The following TMOD1 variants were observed in gnomAD, a reference collection of about 807,000 sequenced individuals.
TMOD1 encodes tropomodulin 1.
In TMOD1, 17 loss-of-function variants were observed where a neutral mutation model predicts 40.6. The ratio of observed to expected loss-of-function variants is 0.42; its 90% CI spans 0.29 to 0.63. The LOEUF (loss-of-function observed/expected upper bound fraction) is 0.63. TMOD1 is among the 20% of genes least tolerant of loss of function. TMOD1 has a pLI of 0.22. For missense variants in TMOD1, 391 were observed against 447.6 expected (o/e 0.87, Z 1.14); for synonymous variants, 181 against 175.0 (o/e 1.03, Z -0.27).
chr9:97,509,511 T>G (rs1339032893), intron 1 of TMOD1, among the ~76,000 whole-genome samples: 2 of 120,882 alleles, frequency 1.7e-5, no homozygotes, highest in South Asian at 2.6e-4. Context: ...TTTTTTTTTT[T>G]GTTTTTTGTT....
intron 3 of TMOD1, among the ~76,000 whole-genome samples, chr9:97,548,430 G>A (rs1563987195): frequency 6.6e-6 from 1 of 152,132 alleles, no homozygotes; most frequent in South Asian, 2.1e-4. Flanking sequence ...TGAAAGGATC[G>A]CGTGGTCAGA....
chr9:97,526,372 T>C (rs933672808), intron 2 of TMOD1, among the ~76,000 whole-genome samples: 1 of 152,192 alleles, frequency 6.6e-6, no homozygotes, highest in African/African-American at 2.4e-5. Context: ...GTGTATGTGG[T>C]TTAGCAAGTC....
At chr9:97,596,515 T>C (rs1826115327) in intron 9 of TMOD1, among the ~76,000 whole-genome samples, 1 of 152,196 alleles carries the variant, frequency 6.6e-6, no homozygotes, top group Non-Finnish European at 1.5e-5. Context: ...GCTATTGTTA[T>C]CCACACTTTA....
In TMOD1 at chr9:97,543,422, G is replaced by A. The variant is rs756907636; in HGVS notation, c.121-2763G>A. On this transcript the variant is annotated intron_variant, in intron 2 of 9. Coordinates refer to ENST00000259365, the MANE Select transcript of TMOD1 (RefSeq NM_003275.4). ...TCTACCTGATTATATAACAATAGAA[G>A]GGATCATAAGTAATAATTTTTGACC... Among the ~76,000 whole-genome samples the A allele has an allele frequency of 9.5e-4, 144 of 152,334 alleles. 1 individual carries two copies. The highest frequency in any genetic ancestry group is 2.5e-3 in the South Asian group (12 of 4,828).
At chr9:97,527,174 G>A (rs1830028913) in intron 2 of TMOD1, among the ~76,000 whole-genome samples, 1 of 152,160 alleles carries the variant, frequency 6.6e-6, no homozygotes, top group Admixed American at 6.5e-5. Flanking sequence ...AAATCAAGCT[G>A]CAAAATTATT....
At chr9:97,555,748 C>A in intron 4 of TMOD1, 3 of 1,419,172 alleles carry the variant, frequency 2.1e-6, no homozygotes, top group Non-Finnish European at 2.9e-6. Context: ...ATTTATTGAC[C>A]AAAACAATCC....
chr9:97,564,592 C>T (rs375093154), intron 6 of TMOD1, among the ~76,000 whole-genome samples: 10 of 152,380 alleles, frequency 6.6e-5, no homozygotes, highest in African/African-American at 2.4e-4. Context: ...GGCCCCTCCC[C>T]TGTGCCATCG....
At chr9:97,546,383 C>G in intron 3 of TMOD1, 42 bp downstream of exon 3, 1 of 1,593,598 alleles carries the variant, frequency 6.3e-7, no homozygotes, top group Non-Finnish European at 8.6e-7. Context: ...ACTCCCCATG[C>G]ACCATTGAGT....
intron 2 of TMOD1, among the ~76,000 whole-genome samples, chr9:97,526,876 C>G (rs1234073207): frequency 6.6e-6 from 1 of 152,104 alleles, no homozygotes; most frequent in Non-Finnish European, 1.5e-5. Flanking sequence ...GGTCTTATAC[C>G]CAGGTGTGAT....
chr9:97,586,551 C>T (rs1825875344), intron 8 of TMOD1, among the ~76,000 whole-genome samples: 1 of 152,130 alleles, frequency 6.6e-6, no homozygotes, highest in South Asian at 2.1e-4. Flanking sequence ...AGCTTCCCGG[C>T]TGCTTTGTTT....
intron 4 of TMOD1, among the ~76,000 whole-genome samples, chr9:97,559,793 AAATATATATATATAT>A (rs1234766490): frequency 9.5e-5 from 3 of 31,518 alleles, no homozygotes; most frequent in African/African-American, 3.6e-4. Flanking sequence ...AAAAAAAAAA[AAATATATATATATAT>A]ATATATATAT....
chr9:97,572,319 G>C (rs1830831445), intron 8 of TMOD1, among the ~76,000 whole-genome samples: 1 of 152,124 alleles, frequency 6.6e-6, no homozygotes, highest in South Asian at 2.1e-4. Context: ...GCTTTGAATG[G>C]GTAGGTTTAG....
At chr9:97,560,403 A>G (rs1830618893) in intron 4 of TMOD1, among the ~76,000 whole-genome samples, 1 of 152,134 alleles carries the variant, frequency 6.6e-6, no homozygotes. Flanking sequence ...GAGTTGTTAG[A>G]TAAAATACAG....
intron 8 of TMOD1, among the ~76,000 whole-genome samples, chr9:97,581,754 A>G (rs1057429182): frequency 2.0e-5 from 3 of 151,948 alleles, no homozygotes; most frequent in Non-Finnish European, 4.4e-5. Flanking sequence ...AGTGATGATG[A>G]GCATTTTTTC....
At chr9:97,526,371 G>T (rs189738785) in intron 2 of TMOD1, among the ~76,000 whole-genome samples, 4 of 152,302 alleles carry the variant, frequency 2.6e-5, no homozygotes, top group African/African-American at 4.8e-5. Context: ...TGTGTATGTG[G>T]TTTAGCAAGT....
Position 97,556,897 on chromosome 9 carries a change from G to C in TMOD1, c.397+3497G>C, listed in dbSNP as rs564064776. ...GAGGAGCGGTTCCGGGCTGGGGAGG[G>C]CAGGCCCCTCTGAACGGAGTGGCCT... On this transcript the variant is annotated intron_variant, in intron 4 of 9. Transcript: ENST00000259365. Among the ~76,000 whole-genome samples, 10 of 152,284 alleles carry C rather than the reference G, an allele frequency of 6.6e-5. No individual in the cohort carries two copies. In the East Asian group the frequency reaches 1.9e-3, roughly 29 times the overall value.
chr9:97,536,685 C>T (rs989280898), intron 2 of TMOD1, among the ~76,000 whole-genome samples: 9 of 152,050 alleles, frequency 5.9e-5, no homozygotes, highest in South Asian at 2.1e-4. Flanking sequence ...CCTGGGCTCT[C>T]GGTCCAGCGT....
rs1001642663 is a variant in TMOD1, at chr9:97,502,689, G to C, written c.-49+886G>C. On this transcript the variant is annotated intron_variant, in intron 1 of 9. Transcript: ENST00000259365. This position sits in a 1 kb window ranked among gnomAD's most constrained non-coding sequence, Gnocchi z 6.1. ...CAGAAATCGGAGACTGACTGCCCCA[G>C]ACTCGATCGTATCCTGGGACTCACT... is the stretch of plus-strand genomic sequence containing the variant. Among the ~76,000 whole-genome samples, 1 of 152,212 alleles carries C rather than the reference G, an allele frequency of 6.6e-6. No individual in the cohort carries two copies. Among genetic ancestry groups the C allele is most frequent in the African/African-American group, 2.4e-5 (1 of 41,460 alleles).
chr9:97,594,459 C>T (rs2773358), intron 9 of TMOD1, among the ~76,000 whole-genome samples: 37,000 of 152,136 alleles, frequency 0.24, 5,272 homozygotes, highest in African/African-American at 0.39. Flanking sequence ...AGCTCCTCCT[C>T]GGGACTGAGG....
Sources: allele counts gnomAD v4.1 joint callset (sites outside exome capture counted in the v4.1 genomes callset), GRCh38; gene constraint gnomAD v4.1.1; non-coding constraint Gnocchi (gnomAD v3.1); transcripts MANE v1.5; gene names NCBI Gene and HGNC (gene_info 2026-07-23, HGNC 2026-07-21).